The following SCMH1 variants were observed in gnomAD, a reference collection of about 807,000 sequenced individuals.
SCMH1 encodes the protein Scm polycomb group protein homolog 1, also known as polycomb protein SCMH1.
Under a neutral mutation model 70.8 loss-of-function variants are expected in SCMH1, and 37 were observed. That is an observed-to-expected ratio of 0.52 (90% CI 0.40 to 0.69). The LOEUF (loss-of-function observed/expected upper bound fraction) is 0.69. Ranked by LOEUF, SCMH1 falls within the 30% of genes least tolerant of loss-of-function variation. SCMH1 has a pLI of 0.00. For synonymous variants in SCMH1, 292 were observed against 307.4 expected (o/e 0.95, Z 0.52); for missense variants, 607 against 827.3 (o/e 0.73, Z 3.27).
chr1:41,146,964 T>C (rs142355594), intron 5 of SCMH1, among the ~76,000 whole-genome samples: 233 of 152,234 alleles, frequency 1.5e-3, no homozygotes, highest in Non-Finnish European at 2.5e-3. Flanking sequence ...TTCGTATTTG[T>C]TAGTTCCTCC....
chr1:41,185,853 G>C (rs182570983), intron 2 of SCMH1: 1 of 234,772 alleles, frequency 4.3e-6, no homozygotes, highest in East Asian at 8.6e-5. Flanking sequence ...TCGAACTCCT[G>C]ACTTCAGGTG....
At chr1:41,035,871 G>C (rs766551767) in intron 13 of SCMH1, among the ~76,000 whole-genome samples, 1 of 152,154 alleles carries the variant, frequency 6.6e-6, no homozygotes, top group Non-Finnish European at 1.5e-5. Flanking sequence ...CTTTCGCTAA[G>C]ATCCACCAAT....
chr1:41,214,966 A>G (rs753201282), intron 1 of SCMH1, among the ~76,000 whole-genome samples: 4 of 152,136 alleles, frequency 2.6e-5, no homozygotes, highest in Non-Finnish European at 5.9e-5. Context: ...GTTACCTAAA[A>G]CTCGAGAAAA....
Position 41,232,569 on chromosome 1 carries a change from G to C in SCMH1, c.-118+9490C>G, listed in dbSNP as rs541608773. Among the ~76,000 whole-genome samples the C allele has an allele frequency of 1.9e-4, 29 of 152,278 alleles. No individual in the cohort carries two copies. In the South Asian group the frequency reaches 6.0e-3, roughly 32 times the overall value. ...GAGGACTGGGGTTGAAGTCAGGCTGGTCTGGGCTTGAAACCAAGTCCTATT... is the reference window on the plus strand; with the variant it reads ...GAGGACTGGGGTTGAAGTCAGGCTGCTCTGGGCTTGAAACCAAGTCCTATT... On this transcript the variant is annotated intron_variant, in intron 1 of 14. Coordinates refer to ENST00000337495, the Ensembl canonical transcript of SCMH1.
intron 4 of SCMH1, among the ~76,000 whole-genome samples, chr1:41,155,491 T>G (rs189652668): frequency 1.3e-5 from 2 of 151,478 alleles, no homozygotes; most frequent in Non-Finnish European, 2.9e-5. Flanking sequence ...AACAATATTT[T>G]GCTCCACATG....
intron 1 of SCMH1, among the ~76,000 whole-genome samples, chr1:41,193,269 G>T (rs1652175071): frequency 6.6e-6 from 1 of 152,342 alleles, no homozygotes; most frequent in South Asian, 2.1e-4. Flanking sequence ...TATAAGGAAA[G>T]AACTGTAGCT....
At chr1:41,037,501 C>T (rs1327642712) in exon 13 of SCMH1, 2 of 1,614,170 alleles carry the variant, frequency 1.2e-6, no homozygotes, top group Non-Finnish European at 1.7e-6. Flanking sequence ...AGTGTGGTTC[C>T]AAGGAGCGGG....
chr1:41,078,123 A>G (rs2148924705), intron 8 of SCMH1, among the ~76,000 whole-genome samples: 1 of 152,308 alleles, frequency 6.6e-6, no homozygotes. Flanking sequence ...AACTCATTGC[A>G]TGGGTTTAAG....
At chr1:41,233,306 C>A (rs1172432650) in intron 1 of SCMH1, among the ~76,000 whole-genome samples, 1 of 152,114 alleles carries the variant, frequency 6.6e-6, no homozygotes, top group Non-Finnish European at 1.5e-5. Flanking sequence ...TGGGATTGAA[C>A]TACTACTGTT....
intron 2 of SCMH1, among the ~76,000 whole-genome samples, chr1:41,176,091 A>G (rs767430717): frequency 6.6e-6 from 1 of 151,572 alleles, no homozygotes. Context: ...AAAGATCAAC[A>G]GTAAAACAAT....
chr1:41,136,382 CTTT>C (rs757034374), intron 6 of SCMH1, among the ~76,000 whole-genome samples: 4 of 121,982 alleles, frequency 3.3e-5, no homozygotes, highest in Non-Finnish European at 5.6e-5. Context: ...TTCTTTCTTT[CTTT>C]TTTTTTTTTT....
In SCMH1 at chr1:41,039,991, C is replaced by T. The variant is rs1645900670; in HGVS notation, c.1499-2450G>A. Among the ~76,000 whole-genome samples the T allele has an allele frequency of 2.1e-5, 3 of 146,146 alleles. No individual in the cohort carries two copies. In the South Asian group the frequency reaches 6.4e-4, roughly 31 times the overall value. On this transcript the variant is annotated intron_variant, in intron 12 of 14. Transcript: ENST00000337495. Reference sequence around the variant, plus strand: ...AAAAAAAGGAGTTCTACTGGTAAAACAAAACAAACTTTGAAATCACTGGTG... The same window carrying T: ...AAAAAAAGGAGTTCTACTGGTAAAATAAAACAAACTTTGAAATCACTGGTG...
chr1:41,113,624 C>CATGAGACTTATA lies in SCMH1; in HGVS notation c.502-110_502-99dup, dbSNP rs1553130400. On this transcript the variant is annotated intron_variant, in intron 7 of 14. Transcript: ENST00000337495. This position sits in a 1 kb window ranked among gnomAD's most constrained non-coding sequence, Gnocchi z 4.3. ...TTGGATGATTAAAAAGTGACTGCTACATGAGACTTATAATGGATATATAGC... is the reference window on the plus strand; with the variant it reads ...TTGGATGATTAAAAAGTGACTGCTACATGAGACTTATAATGAGACTTATAATGGATATATAGC... 5 of 1,328,420 alleles carry CATGAGACTTATA rather than the reference C, an allele frequency of 3.8e-6. No homozygotes were observed. In the Admixed American group the frequency reaches 1.3e-4, roughly 33 times the overall value. The allele number at this position is 1,328,420 out of a possible 1,614,324, so 82.3% of individuals were successfully genotyped here. A position where few individuals can be genotyped will look rare whatever the true frequency, so the allele number is the denominator to read the frequency against.
chr1:41,058,378 G>GT (rs548733204), intron 10 of SCMH1, among the ~76,000 whole-genome samples: 1,862 of 81,476 alleles, frequency 0.023, 239 homozygotes, highest in East Asian at 0.12. Flanking sequence ...TTTCTTTCTT[G>GT]TTTTTTTTTT....
At chr1:41,208,513 A>T (rs1288080990) in intron 1 of SCMH1, among the ~76,000 whole-genome samples, 1 of 152,204 alleles carries the variant, frequency 6.6e-6, no homozygotes, top group Non-Finnish European at 1.5e-5. Flanking sequence ...AAGAACAGAA[A>T]TCACAACAAA....
intron 1 of SCMH1, among the ~76,000 whole-genome samples, chr1:41,191,957 C>T (rs908633280): frequency 6.6e-6 from 1 of 152,068 alleles, no homozygotes; most frequent in Non-Finnish European, 1.5e-5. Context: ...AAAGTCACTG[C>T]TAATCTATAT....
intron 2 of SCMH1, among the ~76,000 whole-genome samples, chr1:41,171,151 G>T (rs1214056691): frequency 2.6e-5 from 4 of 152,180 alleles, no homozygotes; most frequent in Non-Finnish European, 4.4e-5. Context: ...CAGTAGCAGA[G>T]ATCAACATTG....
At chr1:41,182,112 C>T (rs1648959154) in intron 2 of SCMH1, among the ~76,000 whole-genome samples, 1 of 152,132 alleles carries the variant, frequency 6.6e-6, no homozygotes, top group Non-Finnish European at 1.5e-5. Context: ...AAAAACCAAA[C>T]ACCGCATGTT....
chr1:41,028,281 G>A, exon 15 of SCMH1: 1 of 1,613,954 alleles, frequency 6.2e-7, no homozygotes, highest in Non-Finnish European at 8.5e-7. Context: ...TCATCATCAT[G>A]TCACTGCGCA....
Sources: gnomAD v4.1 joint callset for allele counts (sites outside exome capture counted in the v4.1 genomes callset) on GRCh38, gnomAD v4.1.1 for gene constraint, Gnocchi (gnomAD v3.1) non-coding constraint, MANE v1.5 for transcripts, NCBI Gene and HGNC (gene_info 2026-07-23, HGNC 2026-07-21) for gene names.